The following CASQ2 variants were observed in gnomAD, a reference collection of about 807,000 sequenced individuals.
The protein encoded by CASQ2 is calsequestrin 2.
In CASQ2, 49 loss-of-function variants were observed where a neutral mutation model predicts 46.5. The ratio of observed to expected loss-of-function variants is 1.05; its 90% CI spans 0.84 to 1.34. The LOEUF is 1.34. CASQ2 is among the 40% of genes most tolerant of loss of function. The pLI is 0.00. For synonymous variants in CASQ2, 174 were observed against 168.5 expected (o/e 1.03, Z -0.25); for missense variants, 486 against 481.3 (o/e 1.01, Z -0.09).
intron 9 of CASQ2, among the ~76,000 whole-genome samples, chr1:115,703,533 G>A (rs1274071482): frequency 2.0e-5 from 3 of 151,982 alleles, no homozygotes; most frequent in South Asian, 2.1e-4. Flanking sequence ...AATCTCCCAC[G>A]CAAATATATG....
At chr1:115,724,462 C>A (rs1250687517) in intron 7 of CASQ2, among the ~76,000 whole-genome samples, 4 of 152,086 alleles carry the variant, frequency 2.6e-5, no homozygotes, top group African/African-American at 9.7e-5. Flanking sequence ...CCCACTATGC[C>A]CGACTAATTA....
intron 1 of CASQ2, among the ~76,000 whole-genome samples, chr1:115,753,684 C>T (rs1015146179): frequency 6.6e-6 from 1 of 152,192 alleles, no homozygotes; most frequent in Non-Finnish European, 1.5e-5. Flanking sequence ...CCAGTCTCTT[C>T]ATAGGACTTA....
chr1:115,743,444 A>G (rs1003986128), intron 2 of CASQ2, among the ~76,000 whole-genome samples: 2 of 151,758 alleles, frequency 1.3e-5, no homozygotes, highest in Admixed American at 6.6e-5. Context: ...AGGTTTTTCT[A>G]TGTTGCCCAA....
chr1:115,737,187 G>A lies in CASQ2; in HGVS notation c.532+1037C>T, dbSNP rs76183003. ...TAAAATTGCCTAAAGAAGAACTGGG[G>A]CAAATCTCCCTGGTTAGCCACCTCC... On this transcript the variant is annotated intron_variant, in intron 4 of 10. Coordinates refer to ENST00000261448, the MANE Select transcript of CASQ2 (RefSeq NM_001232.4). Among the ~76,000 whole-genome samples, 1,429 of 152,230 alleles carry A rather than the reference G, an allele frequency of 9.4e-3. 25 individuals are homozygous for A. Among genetic ancestry groups the A allele is most frequent in the African/African-American group, 0.033 (1,363 of 41,540 alleles).
Position 115,766,584 on chromosome 1 carries a change from C to T in CASQ2, c.234+1724G>A, listed in dbSNP as rs1649138879. ...TACGTAATTTGCCCTGTGTCCTGTG[C>T]CTAGTAGAGACAAAGCCAGAACTTA... is the stretch of plus-strand genomic sequence containing the variant. On this transcript the variant is annotated intron_variant, in intron 1 of 10. Coordinates refer to ENST00000261448, the MANE Select transcript of CASQ2 (RefSeq NM_001232.4). Among the ~76,000 whole-genome samples, 2 of 152,112 alleles carry T rather than the reference C, an allele frequency of 1.3e-5. 1 individual carries two copies. The highest frequency in any genetic ancestry group is 6.3e-3 in the Middle Eastern group (2 of 316).
intron 1 of CASQ2, among the ~76,000 whole-genome samples, chr1:115,746,433 C>T (rs10732297): frequency 0.27 from 41,641 of 152,138 alleles, 6,101 homozygotes; most frequent in East Asian, 0.43. Flanking sequence ...GCTGTATTGT[C>T]TTACCTTCCC....
At chr1:115,712,566 G>A (rs1251452335) in intron 8 of CASQ2, among the ~76,000 whole-genome samples, 1 of 152,142 alleles carries the variant, frequency 6.6e-6, no homozygotes, top group Non-Finnish European at 1.5e-5. Context: ...CACCTAACAC[G>A]TCGGGTTGTT....
intron 1 of CASQ2, among the ~76,000 whole-genome samples, chr1:115,759,069 T>C (rs4503343): frequency 0.063 from 9,615 of 152,274 alleles, 414 homozygotes; most frequent in Admixed American, 0.13. Flanking sequence ...ATAACTTCTT[T>C]GATAAAGTGA....
chr1:115,760,159 G>A (rs1046123455), intron 1 of CASQ2, among the ~76,000 whole-genome samples: 3 of 152,120 alleles, frequency 2.0e-5, no homozygotes, highest in Admixed American at 6.5e-5. Flanking sequence ...CCAAATTAGA[G>A]CTATACTGAC....
intron 8 of CASQ2, among the ~76,000 whole-genome samples, chr1:115,711,027 G>T (rs1282190213): frequency 2.6e-5 from 4 of 152,222 alleles, no homozygotes; most frequent in Non-Finnish European, 5.9e-5. Context: ...TTCGGCAGAG[G>T]CTCATGTGTC....
intron 8 of CASQ2, among the ~76,000 whole-genome samples, chr1:115,717,409 C>G (rs1216846751): frequency 6.6e-6 from 1 of 152,166 alleles, no homozygotes; most frequent in African/African-American, 2.4e-5. Context: ...TCCCCTTACC[C>G]AGATCAATCA....
At chr1:115,748,600 G>A (rs571213673) in intron 1 of CASQ2, among the ~76,000 whole-genome samples, 58 of 148,166 alleles carry the variant, frequency 3.9e-4, no homozygotes, top group Non-Finnish European at 7.2e-4. Flanking sequence ...CATCATCAGT[G>A]TTTATGTATG....
intron 1 of CASQ2, among the ~76,000 whole-genome samples, chr1:115,757,491 C>T (rs1648801010): frequency 6.6e-6 from 1 of 152,220 alleles, no homozygotes. Context: ...TACCTGAATC[C>T]TGTGTGTGTT....
At chr1:115,745,070 C>A (rs965638571) in intron 1 of CASQ2, among the ~76,000 whole-genome samples, 158 bp from the exon 2 acceptor site, 1 of 152,158 alleles carries the variant, frequency 6.6e-6, no homozygotes, top group Admixed American at 6.5e-5. Context: ...GTATTCTTGT[C>A]CCCTCAGGGG....
chr1:115,752,044 C>T (rs189192056), intron 1 of CASQ2, among the ~76,000 whole-genome samples: 52 of 152,290 alleles, frequency 3.4e-4, no homozygotes, highest in East Asian at 1.2e-3. Context: ...CTTGCAGGGA[C>T]GCCTTGTTCT....
At chr1:115,757,834 C>G (rs76243404) in intron 1 of CASQ2, among the ~76,000 whole-genome samples, 1 of 152,042 alleles carries the variant, frequency 6.6e-6, no homozygotes, top group Non-Finnish European at 1.5e-5. Flanking sequence ...AAATTTAACT[C>G]AATTTTAAAA....
chr1:115,722,133 C>T (rs7355132), intron 7 of CASQ2, among the ~76,000 whole-genome samples: 355 of 152,128 alleles, frequency 2.3e-3, no homozygotes, highest in Admixed American at 3.7e-3. Context: ...GAATGAGGGG[C>T]TGACTAGGTC....
intron 8 of CASQ2, 127 bp downstream of exon 8, chr1:115,717,712 CA>C (rs1647216252): frequency 1.3e-6 from 1 of 789,622 alleles, no homozygotes; most frequent in Admixed American, 1.7e-5. Context: ...GGGCGACCAC[CA>C]GGGGGTGCCC....
intron 4 of CASQ2, 25 bp from the exon 5 acceptor site, chr1:115,732,999 G>A (rs765899666): frequency 1.3e-6 from 2 of 1,543,004 alleles, no homozygotes; most frequent in South Asian, 2.2e-5. Flanking sequence ...AAAGATGAAG[G>A]GAGAGACATT....
Sources: gnomAD v4.1 joint callset for allele counts (sites outside exome capture counted in the v4.1 genomes callset) on GRCh38, gnomAD v4.1.1 for gene constraint, MANE v1.5 for transcripts, NCBI Gene and HGNC (gene_info 2026-07-23, HGNC 2026-07-21) for gene names.